INPP4B: variants seen among roughly 807,000 people sequenced by gnomAD.
INPP4B encodes the protein inositol polyphosphate 4-phosphatase type II.
Under a neutral mutation model 122.5 loss-of-function variants are expected in INPP4B, and 55 were observed. The ratio of observed to expected loss-of-function variants is 0.45; its 90% confidence interval spans 0.36 to 0.56. The LOEUF (loss-of-function observed/expected upper bound fraction) is 0.56, where lower values mean the gene tolerates loss of function less well. Ranked by LOEUF, INPP4B falls within the 20% of genes least tolerant of loss-of-function variation. INPP4B has a pLI of 0.00. For missense variants in INPP4B, 1,000 were observed against 1,097.7 expected, an observed-to-expected ratio of 0.91 and a Z score of 1.26; for synonymous variants, 403 against 388.7, an observed-to-expected ratio of 1.04 and a Z score of -0.43.
At chr4:142,128,220 G>A (rs202081284) in intron 18 of INPP4B, among the ~76,000 whole-genome samples, 1 of 146,674 alleles carries the variant, frequency 6.8e-6, no homozygotes, top group African/African-American at 2.6e-5. Flanking sequence ...GTGTGTGTGT[G>A]TGTATGTATA....
intron 9 of INPP4B, among the ~76,000 whole-genome samples, chr4:142,277,156 A>G (rs1748887154): frequency 6.8e-6 from 1 of 146,972 alleles, no homozygotes; most frequent in Admixed American, 6.8e-5. Flanking sequence ...TCATGTCCTT[A>G]GCCCACTTTT....
intron 3 of INPP4B, among the ~76,000 whole-genome samples, chr4:142,458,129 TAAAG>T (rs1815878174): frequency 6.6e-6 from 1 of 151,956 alleles, no homozygotes; most frequent in Non-Finnish European, 1.5e-5. Context: ...TAAAAAGGAA[TAAAG>T]AGACAAATGG....
chr4:142,517,375 G>T (rs1015601722), intron 2 of INPP4B, among the ~76,000 whole-genome samples: 1 of 152,010 alleles, frequency 6.6e-6, no homozygotes, highest in African/African-American at 2.4e-5. Flanking sequence ...TGAAGCCTTG[G>T]TTCAGGTGTT....
At chr4:142,233,200 ATG>A (rs756193293) in intron 12 of INPP4B, among the ~76,000 whole-genome samples, 32 of 145,796 alleles carry the variant, frequency 2.2e-4, no homozygotes, top group South Asian at 2.1e-3. Flanking sequence ...GTGTCTGTAT[ATG>A]TGTGTGTGTG....
chr4:142,759,699 T>C (rs1771015087), intron 1 of INPP4B, among the ~76,000 whole-genome samples: 2 of 151,720 alleles, frequency 1.3e-5, no homozygotes, highest in Non-Finnish European at 2.9e-5. Context: ...ATCAATACAT[T>C]TTGAATCAAT....
chr4:142,552,495 T>G (rs6848419), intron 2 of INPP4B, among the ~76,000 whole-genome samples: 144,307 of 152,052 alleles, frequency 0.95, 68,964 homozygotes, highest in East Asian at 1. Flanking sequence ...TCTGAGCACA[T>G]GCTTAGAGAA....
intron 2 of INPP4B, among the ~76,000 whole-genome samples, chr4:142,540,331 G>GT (rs1463191570): frequency 1.9e-4 from 29 of 150,340 alleles, no homozygotes; most frequent in African/African-American, 6.4e-4. Context: ...AGTTTTTTGG[G>GT]GTTTTTTTTT....
At chr4:142,638,782 G>A (rs6838549) in intron 2 of INPP4B, among the ~76,000 whole-genome samples, 100 of 152,032 alleles carry the variant, frequency 6.6e-4, no homozygotes, top group African/African-American at 2.4e-3. Flanking sequence ...TCCTGACCTC[G>A]TGATCCACCC....
intron 9 of INPP4B, among the ~76,000 whole-genome samples, chr4:142,301,207 C>T (rs1268148275): frequency 6.6e-6 from 1 of 152,084 alleles, no homozygotes; most frequent in Non-Finnish European, 1.5e-5. Context: ...AGTCTTGGTG[C>T]TAGCATTACA....
intron 10 of INPP4B, among the ~76,000 whole-genome samples, chr4:142,270,426 C>T (rs937887582): frequency 6.6e-6 from 1 of 152,156 alleles, no homozygotes; most frequent in Admixed American, 6.5e-5. Context: ...AACCAGGGAG[C>T]TGGCAGGGAA....
chr4:142,180,202 T>C (rs1830163724), intron 15 of INPP4B, among the ~76,000 whole-genome samples: 1 of 152,208 alleles, frequency 6.6e-6, no homozygotes, highest in African/African-American at 2.4e-5. Flanking sequence ...TGGAATTATA[T>C]ACTTATAATA....
chr4:142,543,309 C>A (rs1829153259), intron 2 of INPP4B, among the ~76,000 whole-genome samples: 1 of 152,126 alleles, frequency 6.6e-6, no homozygotes, highest in Non-Finnish European at 1.5e-5. Context: ...TGTCCTGTTA[C>A]CATTCTACTT....
At chr4:142,134,204 C>A (rs1802800429) in intron 18 of INPP4B, among the ~76,000 whole-genome samples, 1 of 151,940 alleles carries the variant, frequency 6.6e-6, no homozygotes, top group Admixed American at 6.6e-5. Context: ...TTTTTATTAC[C>A]ATAAAACTTT....
At chr4:142,625,724 T>C (rs1746209373) in intron 2 of INPP4B, among the ~76,000 whole-genome samples, 3 of 152,154 alleles carry the variant, frequency 2.0e-5, no homozygotes, top group Non-Finnish European at 4.4e-5. Context: ...ACTACCTGAT[T>C]TCAAACTATA....
intron 2 of INPP4B, among the ~76,000 whole-genome samples, chr4:142,624,267 G>A (rs1442072706): frequency 6.6e-6 from 1 of 151,774 alleles, no homozygotes; most frequent in African/African-American, 2.4e-5. Flanking sequence ...ATTCTAACTG[G>A]TGTGAGATGG....
At chr4:142,394,472 C>A (rs77284846) in intron 7 of INPP4B, among the ~76,000 whole-genome samples, 10,690 of 152,212 alleles carry the variant, frequency 0.07, 517 homozygotes, top group Middle Eastern at 0.1. Context: ...TATATCCTTG[C>A]TGACATTCTT....
At chr4:142,365,703 C>T (rs1378094671) in intron 7 of INPP4B, among the ~76,000 whole-genome samples, 1 of 152,112 alleles carries the variant, frequency 6.6e-6, no homozygotes, top group Non-Finnish European at 1.5e-5. Context: ...TTCAGTGAGG[C>T]TTAAAACTAC....
At chr4:142,059,414 T>C (rs1333625121) in intron 25 of INPP4B, among the ~76,000 whole-genome samples, 1 of 152,160 alleles carries the variant, frequency 6.6e-6, no homozygotes, top group Non-Finnish European at 1.5e-5. Context: ...AAGTAGTTCG[T>C]ACTTAATACC....
intron 1 of INPP4B, among the ~76,000 whole-genome samples, chr4:142,820,329 C>G (rs77088212): frequency 9.9e-5 from 15 of 152,190 alleles, no homozygotes; most frequent in African/African-American, 3.6e-4. Flanking sequence ...CCCACAAGAG[C>G]TGGTTGTTAA....
Sources: allele counts gnomAD v4.1 joint callset (sites outside exome capture counted in the v4.1 genomes callset), GRCh38; gene constraint gnomAD v4.1.1; transcripts MANE v1.5; gene names NCBI Gene and HGNC (gene_info 2026-07-23, HGNC 2026-07-21).